Variants in HPCAL1 observed in about 807,000 individuals in gnomAD.
HPCAL1 encodes the protein hippocalcin like 1.
HPCAL1 carries 8 observed loss-of-function variants against 17.1 expected under a neutral mutation model. That is an observed-to-expected ratio of 0.47 (90% CI 0.27 to 0.84). HPCAL1 has a LOEUF of 0.84. Ranked by LOEUF, HPCAL1 falls within the 40% of genes least tolerant of loss-of-function variation. The probability of loss-of-function intolerance (pLI) is 0.13; values close to 1 mark genes in which losing one functional copy is unlikely to be tolerated. For synonymous variants in HPCAL1, 112 were observed against 111.4 expected, an observed-to-expected ratio of 1.01 and a Z score of -0.03; for missense variants, 165 against 271.1, an observed-to-expected ratio of 0.61 and a Z score of 2.75.
At chr2:10,389,881 C>G (rs1447736834) in intron 1 of HPCAL1, among the ~76,000 whole-genome samples, 1 of 152,228 alleles carries the variant, frequency 6.6e-6, no homozygotes, top group Admixed American at 6.5e-5. Context: ...ATGTGTCCTT[C>G]TTTCTGTTGG....
At position 10,331,409 on chromosome 2, in the gene HPCAL1, G is replaced by A. The variant is rs1030754052; in HGVS notation, c.-111+28232G>A. Among the ~76,000 whole-genome samples, 8 of 152,290 alleles carry A rather than the reference G, an allele frequency of 5.3e-5. No individual in the cohort carries two copies. Among genetic ancestry groups the A allele is most frequent in the South Asian group, 4.1e-4 (2 of 4,824 alleles). On this transcript the variant is annotated intron_variant, in intron 1 of 4. Transcript: ENST00000307845. The surrounding 1 kb of genome is among the most constrained non-coding windows in gnomAD (Gnocchi z 5.0). ...GGGGAGCTCGGAGTTCTGCAGGCAC[G>A]GGGCTGGCTCCTTTCTTCATGTCCC... is the stretch of plus-strand genomic sequence containing the variant.
Position 10,331,144 on chromosome 2 carries a change from G to A in HPCAL1, c.-111+27967G>A, listed in dbSNP as rs1028586076. ...GTGACCGCACCCTCTTACTGCATGC[G>A]GGCCTTGCCAAGAGCCTGCAGAGGG... On this transcript the variant is annotated intron_variant, in intron 1 of 4. Transcript: ENST00000307845. This position sits in a 1 kb window ranked among gnomAD's most constrained non-coding sequence, Gnocchi z 5.0. Among the ~76,000 whole-genome samples the A allele has an allele frequency of 1.3e-5, 2 of 152,142 alleles. No homozygotes were observed. The highest frequency in any genetic ancestry group is 2.9e-5 in the Non-Finnish European group (2 of 68,018).
chr2:10,384,208 C>T lies in HPCAL1; in HGVS notation c.-110-12627C>T, dbSNP rs1358649140. Reference sequence around the variant, plus strand: ...GGACAAGGTGAGGGAGGTGGCGGCCCGGCAGGAAGGTCATTTCTTTCTTCA... The same window carrying T: ...GGACAAGGTGAGGGAGGTGGCGGCCTGGCAGGAAGGTCATTTCTTTCTTCA... On this transcript the variant is annotated intron_variant, in intron 1 of 4. Transcript: ENST00000307845. The surrounding 1 kb of genome is among the most constrained non-coding windows in gnomAD (Gnocchi z 4.4). Among the ~76,000 whole-genome samples, 5 of 152,120 alleles carry T rather than the reference C, an allele frequency of 3.3e-5. No individual in the cohort carries two copies. Among genetic ancestry groups the T allele is most frequent in the African/African-American group, 7.2e-5 (3 of 41,410 alleles).
At chr2:10,314,601 C>T (rs1663191409) in intron 1 of HPCAL1, among the ~76,000 whole-genome samples, 1 of 152,134 alleles carries the variant, frequency 6.6e-6, no homozygotes, top group Non-Finnish European at 1.5e-5. Context: ...CAGGAAAAAC[C>T]ACTGCTAGGG....
At position 10,395,618 on chromosome 2, in the gene HPCAL1, G is replaced by A. The variant is rs1015812952; in HGVS notation, c.-110-1217G>A. The stretch of plus-strand genomic sequence containing the variant: ...TAGTGGGTGCTTGTAAAGCGGGATC[G>A]TTGCTATGAGAGAGAGAACCTTGCG... On this transcript the variant is annotated intron_variant, in intron 1 of 4. Transcript: ENST00000307845. This position sits in a 1 kb window ranked among gnomAD's most constrained non-coding sequence, Gnocchi z 4.4. Among the ~76,000 whole-genome samples the A allele has an allele frequency of 3.3e-5, 5 of 152,192 alleles. No individual in the cohort carries two copies. Among genetic ancestry groups the A allele is most frequent in the East Asian group, 1.9e-4 (1 of 5,192 alleles).
At chr2:10,415,828 T>C (rs772485627) in intron 2 of HPCAL1, among the ~76,000 whole-genome samples, 13 of 152,218 alleles carry the variant, frequency 8.5e-5, no homozygotes, top group Non-Finnish European at 1.3e-4. Context: ...CCCCGGAGCC[T>C]GGCTTGGTGC....
intron 1 of HPCAL1, among the ~76,000 whole-genome samples, chr2:10,322,562 G>A (rs1214536279): frequency 6.6e-6 from 1 of 152,198 alleles, no homozygotes; most frequent in Non-Finnish European, 1.5e-5. Context: ...TCTGGCTGAG[G>A]GGCAGCCTGC....
chr2:10,338,392 C>A (rs1664852182), intron 1 of HPCAL1, among the ~76,000 whole-genome samples: 1 of 152,132 alleles, frequency 6.6e-6, no homozygotes, highest in South Asian at 2.1e-4. Flanking sequence ...ATCAGTGCGG[C>A]CTGGATATCA....
At chr2:10,366,672 C>T (rs1284947318) in intron 1 of HPCAL1, among the ~76,000 whole-genome samples, 1 of 152,238 alleles carries the variant, frequency 6.6e-6, no homozygotes, top group Non-Finnish European at 1.5e-5. Flanking sequence ...GACTCCCGCC[C>T]TGCAGCTCAA....
rs545244484 is a variant in HPCAL1, at chr2:10,332,693, G to A, written c.-111+29516G>A. Among the ~76,000 whole-genome samples the A allele has an allele frequency of 7.9e-5, 12 of 152,304 alleles. No homozygotes were observed. In the East Asian group the frequency reaches 2.3e-3, roughly 29 times the overall value. On this transcript the variant is annotated intron_variant, in intron 1 of 4. Transcript: ENST00000307845. ...CCAACTCCTAATACAGCAAGGAAGGGACAGAGCTGGGAAGTGGAGTGGGCT... is the reference window on the plus strand; with the variant it reads ...CCAACTCCTAATACAGCAAGGAAGGAACAGAGCTGGGAAGTGGAGTGGGCT...
chr2:10,412,358 A>G (rs1670409483), intron 2 of HPCAL1, among the ~76,000 whole-genome samples: 2 of 152,220 alleles, frequency 1.3e-5, no homozygotes, highest in African/African-American at 4.8e-5. Flanking sequence ...CACACCAGTC[A>G]TTGACTGCAG....
intron 1 of HPCAL1, among the ~76,000 whole-genome samples, chr2:10,332,981 G>A (rs1335807114): frequency 6.6e-6 from 1 of 151,820 alleles, no homozygotes; most frequent in African/African-American, 2.4e-5. Context: ...GGTGCAGGGG[G>A]GAGGGGCAGG....
chr2:10,423,057 G>C lies in HPCAL1; in HGVS notation c.453G>C (p.Lys151Asn). 1 of 1,613,394 alleles carries C rather than the reference G, an allele frequency of 6.2e-7. No homozygotes were observed. The change falls in exon 4 of 5, where the codon AAG becomes AAC. Residue 151 changes from lysine (K) to asparagine (N), a missense_variant. Coordinates refer to ENST00000307845, the MANE Select transcript of HPCAL1 (RefSeq NM_002149.4). Reference protein sequence around the residue: ...DESTPEKRTDKIFRQMDTNND... With the variant: ...DESTPEKRTDNIFRQMDTNND... ...CCACCCCGGAGAAGCGCACAGACAA[G>C]ATCTTCAGGCAGATGGACACCAACA...
At chr2:10,370,772 G>C (rs1027458338) in intron 1 of HPCAL1, among the ~76,000 whole-genome samples, 8 of 152,334 alleles carry the variant, frequency 5.3e-5, no homozygotes, top group African/African-American at 1.9e-4. Context: ...TGCTCCTGGG[G>C]GTCTTGGGGG....
intron 1 of HPCAL1, among the ~76,000 whole-genome samples, chr2:10,375,444 C>T (rs11683635): frequency 0.12 from 18,133 of 152,074 alleles, 1,264 homozygotes; most frequent in Middle Eastern, 0.26. Context: ...GCATCAGAGC[C>T]GTGGGGGAGG....
intron 1 of HPCAL1, among the ~76,000 whole-genome samples, chr2:10,334,703 T>TTTTTTTTTTTTTTTTAG (rs1664607934): frequency 6.6e-6 from 1 of 151,378 alleles, no homozygotes; most frequent in African/African-American, 2.4e-5. Context: ...GACTTTTTTT[T>TTTTTTTTTTTTTTTTAG]GAGGCAGGGT....
chr2:10,421,463 G>A (rs1220422777), intron 3 of HPCAL1, among the ~76,000 whole-genome samples: 2 of 152,154 alleles, frequency 1.3e-5, no homozygotes, highest in Non-Finnish European at 2.9e-5. Flanking sequence ...CACTTTGGGT[G>A]GCCGAGGCTG....
intron 2 of HPCAL1, among the ~76,000 whole-genome samples, chr2:10,404,184 G>A (rs928393571): frequency 5.3e-5 from 8 of 152,140 alleles, no homozygotes; most frequent in Non-Finnish European, 1.2e-4. Context: ...GCGAGTCATT[G>A]ACACCTACAC....
intron 1 of HPCAL1, among the ~76,000 whole-genome samples, chr2:10,345,984 T>C (rs1665413678): frequency 1.3e-5 from 2 of 152,126 alleles, no homozygotes; most frequent in African/African-American, 4.8e-5. Flanking sequence ...AGAACAATTG[T>C]GGGAATAAGT....
Sources: allele counts gnomAD v4.1 joint callset (sites outside exome capture counted in the v4.1 genomes callset), GRCh38; gene constraint gnomAD v4.1.1; non-coding constraint Gnocchi (gnomAD v3.1); transcripts MANE v1.5; gene names NCBI Gene and HGNC (gene_info 2026-07-23, HGNC 2026-07-21).